Variants in ATP12A observed in about 807,000 individuals in gnomAD.
ATP12A encodes the protein potassium-transporting ATPase alpha chain 2.
Under a neutral mutation model 111.2 loss-of-function variants are expected in ATP12A, and 81 were observed. That is an observed-to-expected ratio of 0.73 (90% CI 0.61 to 0.88). ATP12A has a LOEUF of 0.88. Among genes scored for constraint, ATP12A ranks in the 40% least tolerant of loss-of-function variants. ATP12A has a pLI of 0.00. For missense variants in ATP12A, 1,196 were observed against 1,313.1 expected, an observed-to-expected ratio of 0.91 and a Z score of 1.38; for synonymous variants, 498 against 499.8, an observed-to-expected ratio of 1.00 and a Z score of 0.05.
chr13:24,698,754 A>T lies in ATP12A; in HGVS notation c.1609A>T (p.Met537Leu). 6.2e-7 allele frequency: 1 copy of T among 1,614,106 alleles called. No individual in the cohort carries two copies. Among genetic ancestry groups the T allele is most frequent in the Middle Eastern group, 1.6e-4 (1 of 6,062 alleles). Reference sequence around the variant, plus strand: ...CATCCTAGAGAAATGCAGCACCATCATGATCAACGGCGAGGAGCACCCACT... The same window carrying T: ...CATCCTAGAGAAATGCAGCACCATCTTGATCAACGGCGAGGAGCACCCACT... ...ERILEKCSTIMINGEEHPLDK... is the reference protein window; with the variant it reads ...ERILEKCSTILINGEEHPLDK... The change falls in exon 12 of 23, where the codon ATG (methionine) becomes TTG (leucine). Residue 537 changes from methionine (M) to leucine (L), a missense_variant. Transcript: ENST00000381946.
intron 11 of ATP12A, among the ~76,000 whole-genome samples, chr13:24,696,424 G>GCCTGTGTGAGTTCCTGCTGAA (rs1555254814): frequency 2.2e-5 from 3 of 134,246 alleles, no homozygotes; most frequent in African/African-American, 5.4e-5. Context: ...GGGGAGAGGG[G>GCCTGTGTGAGTTCCTGCTGAA]GGCCGGGCGC....
chr13:24,699,279 T>C (rs2137709620), intron 12 of ATP12A, among the ~76,000 whole-genome samples: 1 of 152,238 alleles, frequency 6.6e-6, no homozygotes, highest in Non-Finnish European at 1.5e-5. Flanking sequence ...CTTGAACATC[T>C]GGGTGAGGAG....
chr13:24,694,593 A>C lies in ATP12A; in HGVS notation c.1512+15A>C. The C allele has an allele frequency of 6.2e-7, 1 of 1,612,160 alleles. No homozygotes were observed. The highest frequency in any genetic ancestry group is 1.1e-5 in the South Asian group (1 of 90,948). On this transcript the variant is annotated intron_variant, in intron 11 of 22. Transcript: ENST00000381946. ...ATAAATTTCAGGTGAGTTTTTCCTC[A>C]CAACCGGTAATCTCTGTCATCGGCA...
rs1482401433 is a variant in ATP12A at position 24,707,335 on chromosome 13, A to C, written c.2395A>C (p.Ile799Leu). ...TATTGCTTATTCCCTGACCAAGAAC[A>C]TTGCCGAGCTGTGCCCCTTTCTGAT... The part of the protein sequence containing the change: ...KTIAYSLTKN[I>L]AELCPFLIYI... Residue 799 changes from isoleucine (I) to leucine (L), a missense_variant, in exon 17 of 23, where the codon ATT becomes CTT. This residue lies in a region of ATP12A where 1,126 missense variants were observed against 1,228.5 expected (regional missense o/e 0.92). Transcript: ENST00000381946. The C allele has an allele frequency of 6.2e-7, 1 of 1,614,044 alleles. No individual in the cohort carries two copies. Among genetic ancestry groups the C allele is most frequent in the South Asian group, 1.1e-5 (1 of 91,072 alleles).
intron 17 of ATP12A, among the ~76,000 whole-genome samples, chr13:24,708,961 GA>G (rs879357811): frequency 1.7e-5 from 2 of 118,286 alleles, no homozygotes; most frequent in African/African-American, 6.0e-5. Flanking sequence ...AAGAAAGAAA[GA>G]AGGAAAGAGA....
Position 24,682,753 on chromosome 13 carries a change from G to C in ATP12A, c.168+1033G>C, listed in dbSNP as rs1313687541. On this transcript the variant is annotated intron_variant, in intron 2 of 22. Transcript: ENST00000381946. ...ATTGGGAGGACCTCGGGCCCCATCA[G>C]AGTCCCACTTCTCCACTGAGCTGAA... Among the ~76,000 whole-genome samples the C allele has an allele frequency of 1.2e-4, 19 of 152,300 alleles. No homozygotes were observed. In the East Asian group the frequency reaches 1.4e-3, roughly 11 times the overall value.
intron 2 of ATP12A, among the ~76,000 whole-genome samples, chr13:24,683,606 T>A (rs1874563454): frequency 6.6e-6 from 1 of 152,026 alleles, no homozygotes; most frequent in Non-Finnish European, 1.5e-5. Flanking sequence ...TTTGTCCGTA[T>A]CTATCATGAG....
At chr13:24,710,363 G>A (rs181482698) in intron 19 of ATP12A, 97 bp from the exon 20 acceptor site, 2 of 1,460,236 alleles carry the variant, frequency 1.4e-6, no homozygotes, top group African/African-American at 1.4e-5. Flanking sequence ...TCCGGGTGAG[G>A]TGTGGAAAGA....
In ATP12A at chr13:24,710,720, G is replaced by T. The variant is rs1875928824; in HGVS notation, c.2898-72G>T. 3 of 1,597,236 alleles carry T rather than the reference G, an allele frequency of 1.9e-6. No individual in the cohort carries two copies. The African/African-American group carries it at 4.0e-5, about 21-fold the overall frequency. ...CCCAGAGGCATTGATTTTTCTGGTG[G>T]CATGGTCTGCTGGGTGTATGATCAT... On this transcript the variant is annotated intron_variant, in intron 20 of 22. Transcript: ENST00000381946.
At chr13:24,695,731 C>T (rs111845600) in intron 11 of ATP12A, among the ~76,000 whole-genome samples, 11,238 of 151,514 alleles carry the variant, frequency 0.074, 541 homozygotes, top group Middle Eastern at 0.12. Context: ...CCTCAGCCTC[C>T]TGAGTAGCTG....
chr13:24,698,829 G>T lies in ATP12A; in HGVS notation c.1684G>T (p.Gly562Trp). 6.2e-7 allele frequency: 1 copy of T among 1,613,964 alleles called. No homozygotes were observed. Among genetic ancestry groups the T allele is most frequent in the South Asian group, 1.1e-5 (1 of 91,066 alleles). The change falls in exon 12 of 23, where the codon GGG becomes TGG. Residue 562 changes from glycine (G) to tryptophan (W), a missense_variant. Transcript: ENST00000381946. Reference protein sequence around the residue: ...TFHTAYMELGGLGERVLGFCH... With the variant: ...TFHTAYMELGWLGERVLGFCH... ...CCACACAGCCTACATGGAGCTGGGC[G>T]GGTTGGGCGAGCGTGTGCTGGGTGA...
At chr13:24,708,647 G>A (rs1045817191) in intron 17 of ATP12A, among the ~76,000 whole-genome samples, 10 of 151,958 alleles carry the variant, frequency 6.6e-5, no homozygotes, top group African/African-American at 2.2e-4. Flanking sequence ...GGCCAATGCA[G>A]GAGGATTACT....
At position 24,685,641 on chromosome 13, in the gene ATP12A, A is replaced by G. The variant is rs1298190440; in HGVS notation, c.228+268A>G. On this transcript the variant is annotated intron_variant, in intron 3 of 22. Coordinates refer to ENST00000381946, the MANE Select transcript of ATP12A (RefSeq NM_001676.7). The surrounding 1 kb of genome is among the most constrained non-coding windows in gnomAD (Gnocchi z 5.5). ...CAAGGAGAAAGTGGCCGGGTAGGGG[A>G]GGCAAATGTGTATGGAAGTGTCCTG... is the stretch of plus-strand genomic sequence containing the variant. Among the ~76,000 whole-genome samples the G allele has an allele frequency of 8.5e-5, 13 of 152,106 alleles. No individual in the cohort carries two copies. Among genetic ancestry groups the G allele is most frequent in the Non-Finnish European group, 1.6e-4 (11 of 68,006 alleles).
rs1314687405 is a variant in ATP12A, at chr13:24,680,639, C to G, written c.-105C>G. 2.2e-6 allele frequency: 3 copies of G among 1,348,966 alleles called. No homozygotes were observed. The highest frequency in any genetic ancestry group is 3.0e-6 in the Non-Finnish European group (3 of 1,000,092). 83.6% of individuals were successfully genotyped at this position (1,348,966 alleles called of 1,614,324 possible). A position where few individuals can be genotyped will look rare whatever the true frequency, so the allele number is the denominator to read the frequency against. ...GGTATCTCCACCGCCAACACCTCAG[C>G]CACTGCCACTGCCACAGCCACACGA... On this transcript the variant is annotated 5_prime_UTR_variant, in exon 1 of 23. Coordinates refer to ENST00000381946, the MANE Select transcript of ATP12A (RefSeq NM_001676.7).
chr13:24,686,466 C>T (rs1874669722), intron 3 of ATP12A, among the ~76,000 whole-genome samples: 1 of 146,304 alleles, frequency 6.8e-6, no homozygotes, highest in Non-Finnish European at 1.5e-5. Flanking sequence ...AAGGGCCGGG[C>T]GTGGTGGCTC....
chr13:24,689,848 G>A (rs1339818233), intron 5 of ATP12A, among the ~76,000 whole-genome samples: 1 of 152,128 alleles, frequency 6.6e-6, no homozygotes, highest in African/African-American at 2.4e-5. Context: ...GAGATTCTGG[G>A]TGGAAAAGAC....
chr13:24,700,855 C>G lies in ATP12A; in HGVS notation c.1814C>G (p.Ser605Ter). The part of the protein sequence containing the change: ...TSNLCFVGLL[S>*]MIDPPRSTVP... The stretch of plus-strand genomic sequence containing the variant: ...AACCTCTGTTTTGTGGGACTCTTGT[C>G]AATGATCGATCCCCCTCGGTCCACC... The change falls in exon 13 of 23, where the codon TCA becomes TGA. Residue 605 changes from serine (S) to a stop codon, truncating the protein, a stop_gained. Transcript: ENST00000381946. LOFTEE classifies it high-confidence loss of function. The G allele has an allele frequency of 6.2e-7, 1 of 1,614,200 alleles. No homozygotes were observed. Among genetic ancestry groups the G allele is most frequent in the Non-Finnish European group, 8.5e-7 (1 of 1,180,050 alleles).
In ATP12A at chr13:24,689,345, C is replaced by T. The variant is rs888408633; in HGVS notation, c.516C>T (p.Ile172=). The change falls in exon 5 of 23, where the codon ATC becomes ATT. Residue 172 remains isoleucine, a synonymous_variant. Coordinates refer to ENST00000381946, the MANE Select transcript of ATP12A (RefSeq NM_001676.7). Reference sequence around the variant, plus strand: ...ACCAAGAGGCAAAAAGCACCAACATCATGTCCAGCTTCAATAAGATGATCC... The same window carrying T: ...ACCAAGAGGCAAAAAGCACCAACATTATGTCCAGCTTCAATAAGATGATCC... The part of the protein sequence containing the change: ...AYYQEAKSTN[I]MSSFNKMIPQ... The T allele has an allele frequency of 1.9e-6, 3 of 1,614,022 alleles. No homozygotes were observed. The African/African-American group carries it at 4.0e-5, about 22-fold the overall frequency.
rs1282079936 is a variant in ATP12A, at chr13:24,692,361, A to G, written c.1069-68A>G. 8 of 1,495,194 alleles carry G rather than the reference A, an allele frequency of 5.4e-6. No homozygotes were observed. The East Asian group carries it at 1.4e-4, about 25-fold the overall frequency. The allele number at this position is 1,495,194 out of a possible 1,614,324, so 92.6% of individuals were successfully genotyped here. ...AATTCAATCACAGCTCACATTGGCT[A>G]TTTCTGTATTATTGGACCTGAGTTC... On this transcript the variant is annotated intron_variant, in intron 8 of 22. Coordinates refer to ENST00000381946, the MANE Select transcript of ATP12A (RefSeq NM_001676.7).
Sources: gnomAD v4.1 joint callset for allele counts (sites outside exome capture counted in the v4.1 genomes callset) on GRCh38, gnomAD v4.1.1 for gene constraint, gnomAD v4.1.1 regional missense constraint, Gnocchi (gnomAD v3.1) non-coding constraint, MANE v1.5 for transcripts, NCBI Gene and HGNC (gene_info 2026-07-23, HGNC 2026-07-21) for gene names.